COL23A1: variants seen among roughly 807,000 people sequenced by gnomAD.
COL23A1 encodes the protein collagen type XXIII alpha 1 chain, also known as collagen alpha-1(XXIII) chain.
COL23A1 carries 97 observed loss-of-function variants against 99.3 expected under a neutral mutation model. That is an observed-to-expected ratio of 0.98 (90% confidence interval 0.83 to 1.16). COL23A1 has a LOEUF of 1.16. Ranked by LOEUF, COL23A1 falls within the 50% of genes most tolerant of loss-of-function variation. COL23A1 has a pLI of 0.00. For synonymous variants in COL23A1, 320 were observed against 308.2 expected (o/e 1.04, Z -0.40); for missense variants, 762 against 757.4 (o/e 1.01, Z -0.07).
intron 1 of COL23A1, among the ~76,000 whole-genome samples, chr5:178,575,294 A>G (rs532856654): frequency 1.3e-5 from 2 of 152,320 alleles, no homozygotes; most frequent in Admixed American, 1.3e-4. Context: ...TCAAAATAAT[A>G]CAACCCTTCC....
intron 8 of COL23A1, 59 bp downstream of exon 8, chr5:178,267,248 C>T (rs2127559279): frequency 6.3e-7 from 1 of 1,588,054 alleles, no homozygotes; most frequent in East Asian, 2.2e-5. Flanking sequence ...CCAGTTATGC[C>T]TCATTATTAC....
intron 5 of COL23A1, among the ~76,000 whole-genome samples, chr5:178,277,893 G>A (rs935310032): frequency 2.0e-5 from 3 of 152,216 alleles, no homozygotes; most frequent in African/African-American, 7.2e-5. Flanking sequence ...AGAGGAAAGA[G>A]CTTGACCCCC....
intron 25 of COL23A1, among the ~76,000 whole-genome samples, chr5:178,245,054 C>T (rs1426031500): frequency 5.8e-5 from 8 of 137,526 alleles, no homozygotes. Flanking sequence ...ATCTATCATC[C>T]ATCCATCCAT....
intron 2 of COL23A1, among the ~76,000 whole-genome samples, chr5:178,433,822 G>T (rs1425827924): frequency 6.6e-6 from 1 of 152,190 alleles, no homozygotes; most frequent in Admixed American, 6.5e-5. Flanking sequence ...TACCTTAGGA[G>T]ATTACTGTTT....
At position 178,358,322 on chromosome 5, in the gene COL23A1, ATGTG is replaced by A. The variant is rs879786410; in HGVS notation, c.362-51407_362-51404del. The stretch of plus-strand genomic sequence containing the variant: ...TATGTATGTATGTGTGTGTATGTGT[ATGTG>A]TATGTATGTCTAATGTGTGTATTGT... On this transcript the variant is annotated intron_variant, in intron 2 of 28. Transcript: ENST00000390654. Among the ~76,000 whole-genome samples, 9 of 133,826 alleles carry A rather than the reference ATGTG, an allele frequency of 6.7e-5. No individual in the cohort carries two copies. In the South Asian group the frequency reaches 2.0e-3, roughly 29 times the overall value. The allele number at this position is 133,826 out of a possible 152,430, so 87.8% of individuals were successfully genotyped here.
intron 2 of COL23A1, among the ~76,000 whole-genome samples, chr5:178,355,937 T>C (rs1033161665): frequency 6.6e-6 from 1 of 152,168 alleles, no homozygotes; most frequent in Non-Finnish European, 1.5e-5. Flanking sequence ...GAATGTTGAG[T>C]GAGCAAATAT....
intron 2 of COL23A1, among the ~76,000 whole-genome samples, chr5:178,332,814 G>C (rs1044211017): frequency 6.6e-6 from 1 of 151,926 alleles, no homozygotes. Context: ...CCCTGGAGAC[G>C]GGATATCCTA....
intron 2 of COL23A1, among the ~76,000 whole-genome samples, chr5:178,390,793 C>G (rs1447307598): frequency 6.6e-6 from 1 of 152,212 alleles, no homozygotes; most frequent in Non-Finnish European, 1.5e-5. Flanking sequence ...CCAGGTGGAT[C>G]AGACTTACAT....
At chr5:178,402,115 T>C (rs1280289330) in intron 2 of COL23A1, among the ~76,000 whole-genome samples, 1 of 152,152 alleles carries the variant, frequency 6.6e-6, no homozygotes, top group East Asian at 1.9e-4. Flanking sequence ...CGCGCCCAGC[T>C]GCCTTTGTCT....
chr5:178,358,827 C>T (rs530816190), intron 2 of COL23A1, among the ~76,000 whole-genome samples: 9 of 151,988 alleles, frequency 5.9e-5, no homozygotes, highest in Admixed American at 2.6e-4. Flanking sequence ...ATATAAGCCC[C>T]CACTCATATA....
rs568424445 is a variant in COL23A1 at position 178,392,040 on chromosome 5, A to G, written c.362-85121T>C. Among the ~76,000 whole-genome samples the G allele has an allele frequency of 1.6e-4, 24 of 152,350 alleles. No homozygotes were observed. The South Asian group carries it at 5.0e-3, about 32-fold the overall frequency. ...CTGGAATAGGGAAATCTGTAGAGAC[A>G]GAAAGTAGATTAGTGGTTGCTGCGG... On this transcript the variant is annotated intron_variant, in intron 2 of 28. Coordinates refer to ENST00000390654, the MANE Select transcript of COL23A1 (RefSeq NM_173465.4).
rs1756528616 is a variant in COL23A1, at chr5:178,468,198, GACC to G, written c.361+92481_361+92483del. 8.9e-5 allele frequency among the ~76,000 whole-genome samples: 1 copy of G among 11,204 alleles called. No individual in the cohort carries two copies. Among genetic ancestry groups the G allele is most frequent in the Non-Finnish European group, 4.3e-4 (1 of 2,308 alleles). The allele number at this position is 11,204 out of a possible 152,430, so 7.4% of individuals were successfully genotyped here. On this transcript the variant is annotated intron_variant, in intron 2 of 28. Coordinates refer to ENST00000390654, the MANE Select transcript of COL23A1 (RefSeq NM_173465.4). The surrounding 1 kb of genome is among the most constrained non-coding windows in gnomAD (Gnocchi z 4.2). ...CACGGAGGATGAACACACCCACCCAGACCCCACCCAGACCCCACCCAGACTCCA... is the reference window on the plus strand; with the variant it reads ...CACGGAGGATGAACACACCCACCCAGCCACCCAGACCCCACCCAGACTCCA...
At chr5:178,554,759 T>C (rs1762180032) in intron 2 of COL23A1, among the ~76,000 whole-genome samples, 1 of 152,132 alleles carries the variant, frequency 6.6e-6, no homozygotes. Flanking sequence ...ACGTGTCCCA[T>C]GCTCCAAGTC....
At chr5:178,373,375 C>G (rs556183471) in intron 2 of COL23A1, among the ~76,000 whole-genome samples, 2 of 152,090 alleles carry the variant, frequency 1.3e-5, no homozygotes, top group Non-Finnish European at 2.9e-5. Flanking sequence ...GCAGCCCAGG[C>G]GCGAACCTCC....
intron 1 of COL23A1, among the ~76,000 whole-genome samples, chr5:178,567,823 G>C (rs899931472): frequency 6.6e-6 from 1 of 151,824 alleles, no homozygotes; most frequent in African/African-American, 2.4e-5. Context: ...TGAGTCTACA[G>C]TGATATAAAT....
At chr5:178,405,191 G>A (rs1161284849) in intron 2 of COL23A1, among the ~76,000 whole-genome samples, 2 of 152,214 alleles carry the variant, frequency 1.3e-5, no homozygotes, top group African/African-American at 4.8e-5. Context: ...GTTTGCTCTG[G>A]GAAGTGATGG....
At chr5:178,521,708 T>C (rs1344832968) in intron 2 of COL23A1, among the ~76,000 whole-genome samples, 2 of 152,218 alleles carry the variant, frequency 1.3e-5, no homozygotes, top group African/African-American at 2.4e-5. Context: ...TGCTACAACA[T>C]GGATGAACCC....
chr5:178,293,918 T>C (rs1048070822), intron 3 of COL23A1, among the ~76,000 whole-genome samples: 3 of 151,766 alleles, frequency 2.0e-5, no homozygotes, highest in Non-Finnish European at 4.4e-5. Context: ...GGCCACGGAG[T>C]CCAGAGGCCA....
At chr5:178,422,158 C>T (rs904136150) in intron 2 of COL23A1, among the ~76,000 whole-genome samples, 3 of 152,250 alleles carry the variant, frequency 2.0e-5, no homozygotes, top group East Asian at 1.9e-4. Context: ...TTTTGAAGAG[C>T]GCACAGTGTC....
Sources: gnomAD v4.1 joint callset for allele counts (sites outside exome capture counted in the v4.1 genomes callset) on GRCh38, gnomAD v4.1.1 for gene constraint, Gnocchi (gnomAD v3.1) non-coding constraint, MANE v1.5 for transcripts, NCBI Gene and HGNC (gene_info 2026-07-23, HGNC 2026-07-21) for gene names.